Variants in NTRK1 observed in about 807,000 individuals in gnomAD.
NTRK1 encodes the protein neurotrophic receptor tyrosine kinase 1, also known as high affinity nerve growth factor receptor.
In NTRK1, 62 loss-of-function variants were observed where a neutral mutation model predicts 86.8. The observed-to-expected ratio is 0.71, with a 90% CI of 0.58 to 0.88. NTRK1 has a LOEUF of 0.88. Ranked by LOEUF, NTRK1 falls within the 40% of genes least tolerant of loss-of-function variation. NTRK1 has a pLI of 0.00. For missense variants in NTRK1, 967 were observed against 1,078.4 expected, an observed-to-expected ratio of 0.90 and a Z score of 1.45; for synonymous variants, 469 against 456.6, an observed-to-expected ratio of 1.03 and a Z score of -0.35.
chr1:156,863,493 C>G, intron 1 of NTRK1, among the ~76,000 whole-genome samples: 1 of 152,138 alleles, frequency 6.6e-6, no homozygotes, highest in Admixed American at 6.5e-5. Flanking sequence ...ACTGCCTCCT[C>G]TCATTGCTCC....
In NTRK1 at chr1:156,852,904, T is replaced by C. The variant is rs1454531282; in HGVS notation, c.50+10711T>C. ...GATCTTGTTACTCTCCCGCCCGCCCTGCTGCTGAGGCGCTGGGGGTGAGAG... is the reference window on the plus strand; with the variant it reads ...GATCTTGTTACTCTCCCGCCCGCCCCGCTGCTGAGGCGCTGGGGGTGAGAG... On this transcript the variant is annotated intron_variant, in intron 2 of 16. Transcript: ENST00000392302. 3.3e-5 allele frequency among the ~76,000 whole-genome samples: 5 copies of C among 152,280 alleles called. No individual in the cohort carries two copies. In the East Asian group the frequency reaches 9.7e-4, roughly 29 times the overall value.
intron 6 of NTRK1, among the ~76,000 whole-genome samples, chr1:156,870,152 G>C (rs1463808882): frequency 1.3e-5 from 2 of 152,248 alleles, no homozygotes; most frequent in Non-Finnish European, 2.9e-5. Context: ...TGCATGGAGA[G>C]ACCTTAGATC....
rs780334454 is a variant in NTRK1, at chr1:156,873,787, G to A, written c.1005G>A (p.Pro335=). 1.8e-5 allele frequency: 29 copies of A among 1,612,704 alleles called. No homozygotes were observed. Among genetic ancestry groups the A allele is most frequent in the African/African-American group, 5.3e-5 (4 of 74,858 alleles). The part of the protein sequence containing the change: ...TSFIFTEFLE[P]AANETVRHGC... ...TCATCTTCACTGAGTTCCTGGAGCC[G>A]GCAGCCAATGAGACCGTGCGGCACG... Residue 335 remains proline (P), a synonymous_variant, in exon 8 of 17, where the codon CCG becomes CCA. Coordinates refer to ENST00000524377, the MANE Select transcript of NTRK1 (RefSeq NM_002529.4).
rs1009858360 is a variant in NTRK1 at position 156,854,313 on chromosome 1, T to C, written c.51-10041T>C. The stretch of plus-strand genomic sequence containing the variant: ...TCCAGGCTGGGGCACACTGTGGGCA[T>C]ACACGGCACGCAGCATTGAGTACAG... On this transcript the variant is annotated intron_variant, in intron 2 of 16. Coordinates refer to the NTRK1 transcript ENST00000392302. The surrounding 1 kb of genome is among the most constrained non-coding windows in gnomAD (Gnocchi z 4.2). 1 of 1,600,680 alleles carries C rather than the reference T, an allele frequency of 6.2e-7. No homozygotes were observed. Among genetic ancestry groups the C allele is most frequent in the Non-Finnish European group, 8.5e-7 (1 of 1,174,128 alleles).
chr1:156,844,014 CCTAA>C (rs1286550517), intron 2 of NTRK1, among the ~76,000 whole-genome samples: 1 of 152,000 alleles, frequency 6.6e-6, no homozygotes, highest in Non-Finnish European at 1.5e-5. Flanking sequence ...AGTTGGTCAC[CCTAA>C]CTGAGAGGTA....
In NTRK1 at chr1:156,871,743, G is replaced by T. The variant is rs1381464469; in HGVS notation, c.838G>T (p.Val280Phe). 1 of 1,614,160 alleles carries T rather than the reference G, an allele frequency of 6.2e-7. No individual in the cohort carries two copies. Among genetic ancestry groups the T allele is most frequent in the Non-Finnish European group, 8.5e-7 (1 of 1,180,028 alleles). The change falls in exon 7 of 17, where the codon GTC (valine) becomes TTC (phenylalanine). Residue 280 changes from valine to phenylalanine, a missense_variant. This residue lies in a region of NTRK1 where 637 missense variants were observed against 776.5 expected (regional missense o/e 0.82). Coordinates refer to ENST00000524377, the MANE Select transcript of NTRK1 (RefSeq NM_002529.4). ...GGGCCGGGCAGAGGTCTCTGTTCAG[G>T]TCAACGTCTCCTGTGAGTCTCAGTG... ...DVGRAEVSVQ[V>F]NVSFPASVQL...
chr1:156,873,242 T>C (rs1227616365), intron 7 of NTRK1, among the ~76,000 whole-genome samples: 1 of 152,202 alleles, frequency 6.6e-6, no homozygotes, highest in East Asian at 1.9e-4. Context: ...TATATATTTT[T>C]GGCTGGTTTG....
At chr1:156,845,874 C>A in intron 2 of NTRK1, 5 of 1,600,298 alleles carry the variant, frequency 3.1e-6, no homozygotes, top group Non-Finnish European at 4.3e-6. Flanking sequence ...CTGATCCCCC[C>A]CACCTGCCGG....
Position 156,864,353 on chromosome 1 carries a change from G to A in NTRK1, c.213-1G>A, listed in dbSNP as rs2102885150. The stretch of plus-strand genomic sequence containing the variant: ...GTGACTCCCATCCGCTCTCCCCACA[G>A]CTACATCGAGAACCAGCAGCATCTG... On this transcript the variant is annotated splice_acceptor_variant, in intron 1 of 16. Coordinates refer to ENST00000524377, the MANE Select transcript of NTRK1 (RefSeq NM_002529.4). LOFTEE classifies it high-confidence loss of function. The A allele has an allele frequency of 6.2e-7, 1 of 1,614,172 alleles. No homozygotes were observed. The highest frequency in any genetic ancestry group is 8.5e-7 in the Non-Finnish European group (1 of 1,180,022).
At chr1:156,815,907 C>T (rs531638430) in intron 1 of NTRK1, 7 of 1,612,184 alleles carry the variant, frequency 4.3e-6, no homozygotes, top group South Asian at 1.1e-5. Flanking sequence ...TTCCTGCCTT[C>T]TCTTGGAGTG....
chr1:156,852,563 G>T (rs1356233527), intron 2 of NTRK1, among the ~76,000 whole-genome samples: 1 of 152,242 alleles, frequency 6.6e-6, no homozygotes, highest in Admixed American at 6.5e-5. Context: ...CTCCTGAGCA[G>T]CTAGGCCCAG....
In NTRK1 at chr1:156,873,765, T is replaced by C; in HGVS notation, c.983T>C (p.Ile328Thr). 1 of 1,613,356 alleles carries C rather than the reference T, an allele frequency of 6.2e-7. No individual in the cohort carries two copies. Among genetic ancestry groups the C allele is most frequent in the Non-Finnish European group, 8.5e-7 (1 of 1,179,796 alleles). ...TCCGTGCTCAATGAGACCAGCTTCA[T>C]CTTCACTGAGTTCCTGGAGCCGGCA... ...NGSVLNETSF[I>T]FTEFLEPAAN... is the part of the protein sequence containing the mutation. Residue 328 changes from isoleucine (I) to threonine (T), a missense_variant, in exon 8 of 17, where the codon ATC (isoleucine) becomes ACC (threonine). Physicochemically the swap from Ile to Thr is moderately conservative, Grantham distance 89. Transcript: ENST00000524377.
intron 6 of NTRK1, 91 bp from the exon 7 acceptor site, chr1:156,871,532 T>A: frequency 4.4e-6 from 6 of 1,365,844 alleles, no homozygotes; most frequent in Admixed American, 1.8e-5. Flanking sequence ...CTCCTTTCCA[T>A]CTGGAGCCAG....
chr1:156,816,521 C>T lies in NTRK1; in HGVS notation c.-64+683C>T, dbSNP rs1456537023. ...GGATGAGTGGGCATGGAGCCCCAGG[C>T]AGGGTTGTGGTCACCCTGCCAATCA... On this transcript the variant is annotated intron_variant, in intron 1 of 16. Transcript: ENST00000392302. Among the ~76,000 whole-genome samples the T allele has an allele frequency of 2.0e-5, 3 of 152,240 alleles. No individual in the cohort carries two copies. The East Asian group carries it at 5.8e-4, about 29-fold the overall frequency.
chr1:156,857,193 G>A (rs377004433), upstream of NTRK1, among the ~76,000 whole-genome samples: 2 of 136,972 alleles, frequency 1.5e-5, no homozygotes, highest in African/African-American at 5.7e-5. Context: ...GTGTGTGTGT[G>A]TGTGTGTGTG....
intron 1 of NTRK1, among the ~76,000 whole-genome samples, chr1:156,822,151 T>G (rs1314404924): frequency 6.6e-6 from 1 of 152,184 alleles, no homozygotes; most frequent in Non-Finnish European, 1.5e-5. Context: ...ACACAATTTG[T>G]GTCCAACACG....
rs763421613 is a variant in NTRK1 at position 156,866,911 on chromosome 1, A to G, written c.361A>G (p.Asn121Asp). The change falls in exon 4 of 17, where the codon AAT becomes GAT. Residue 121 changes from asparagine (N) to aspartate (D), a missense_variant and splice_region_variant. Asn to Asp is a conservative substitution (Grantham distance 23, BLOSUM62 1). Transcript: ENST00000524377. ...FHFTPRLSRL[N>D]LSFNALESLS... ...CTTGCTGTGTCTCCACGCCCGCAGG[A>G]ATCTCTCCTTCAACGCTCTGGAGTC... 1.2e-6 allele frequency: 2 copies of G among 1,614,030 alleles called. No homozygotes were observed. Among genetic ancestry groups the G allele is most frequent in the Non-Finnish European group, 1.7e-6 (2 of 1,180,018 alleles).
chr1:156,841,049 T>A, intron 1 of NTRK1: 1 of 1,593,104 alleles, frequency 6.3e-7, no homozygotes, highest in Non-Finnish European at 8.6e-7. Flanking sequence ...AGAATGTGTG[T>A]GAAAGATGGG....
intron 1 of NTRK1, among the ~76,000 whole-genome samples, chr1:156,827,938 A>C (rs1369267692): frequency 6.6e-6 from 1 of 152,102 alleles, no homozygotes; most frequent in Non-Finnish European, 1.5e-5. Context: ...AGGTATGAAA[A>C]AAACTTATTT....
Sources: allele counts gnomAD v4.1 joint callset (sites outside exome capture counted in the v4.1 genomes callset), GRCh38; gene constraint gnomAD v4.1.1; regional missense constraint gnomAD v4.1.1; non-coding constraint Gnocchi (gnomAD v3.1); transcripts MANE v1.5; gene names NCBI Gene and HGNC (gene_info 2026-07-23, HGNC 2026-07-21).